AP2B1: variants seen among roughly 807,000 people sequenced by gnomAD.
AP2B1 encodes AP-2 complex subunit beta.
AP2B1 carries 23 observed loss-of-function variants against 102.0 expected under a neutral mutation model. The observed-to-expected ratio is 0.23, with a 90% confidence interval of 0.16 to 0.32. The LOEUF (loss-of-function observed/expected upper bound fraction) is 0.32. Among genes scored for constraint, AP2B1 ranks in the 10% least tolerant of loss-of-function variants. The probability of loss-of-function intolerance (pLI) is 1.00; values close to 1 mark genes in which losing one functional copy is unlikely to be tolerated. For missense variants in AP2B1, 541 were observed against 1,157.4 expected (o/e 0.47, Z 7.73); for synonymous variants, 381 against 421.2 (o/e 0.90, Z 1.17).
At chr17:35,644,528 C>T (rs1444475298) in intron 12 of AP2B1, among the ~76,000 whole-genome samples, 1 of 151,738 alleles carries the variant, frequency 6.6e-6, no homozygotes, top group Admixed American at 6.6e-5. Context: ...CAGGTGCATG[C>T]CACCACGCCC....
intron 12 of AP2B1, among the ~76,000 whole-genome samples, chr17:35,642,907 A>G (rs2074822439): frequency 6.6e-6 from 1 of 152,186 alleles, no homozygotes; most frequent in African/African-American, 2.4e-5. Context: ...CAAAGCAATT[A>G]TAAACATCAG....
At position 35,616,142 on chromosome 17, in the gene AP2B1, C is replaced by CTTTTT. The variant is rs71152739; in HGVS notation, c.525+7790_525+7794dup. Among the ~76,000 whole-genome samples, 10 of 57,436 alleles carry CTTTTT rather than the reference C, an allele frequency of 1.7e-4. 1 individual carries two copies. Among genetic ancestry groups the CTTTTT allele is most frequent in the Admixed American group, 1.5e-3 (5 of 3,294 alleles). 37.7% of individuals were successfully genotyped at this position (57,436 alleles called of 152,430 possible). Reference sequence around the variant, plus strand: ...TGAACTTAGGTTTTAAAAAATATCTCTTTTTTTTTTTTTTTTTTTTTTTTT... The same window carrying CTTTTT: ...TGAACTTAGGTTTTAAAAAATATCTCTTTTTTTTTTTTTTTTTTTTTTTTTTTTTT... On this transcript the variant is annotated intron_variant, in intron 5 of 21. Transcript: ENST00000610402.
intron 12 of AP2B1, among the ~76,000 whole-genome samples, chr17:35,649,784 C>CA (rs1402593405): frequency 4.6e-5 from 7 of 151,978 alleles, no homozygotes; most frequent in Non-Finnish European, 7.4e-5. Flanking sequence ...CTTTTTGAGA[C>CA]AGAGTCTCAC....
At chr17:35,622,783 G>C (rs1176781664) in intron 5 of AP2B1, among the ~76,000 whole-genome samples, 3 of 152,124 alleles carry the variant, frequency 2.0e-5, no homozygotes, top group Non-Finnish European at 4.4e-5. Context: ...TCCTGCCTCA[G>C]CCTCCTGAGT....
chr17:35,679,263 A>G (rs2142988665), intron 17 of AP2B1, among the ~76,000 whole-genome samples: 1 of 152,164 alleles, frequency 6.6e-6, no homozygotes, highest in South Asian at 2.1e-4. Context: ...TAGAGGGCTG[A>G]TCTTTGCCTT....
At chr17:35,618,318 A>G (rs753050849) in intron 5 of AP2B1, among the ~76,000 whole-genome samples, 16 of 152,244 alleles carry the variant, frequency 1.1e-4, no homozygotes, top group Non-Finnish European at 2.1e-4. Flanking sequence ...CTAATTTAGA[A>G]GAGAACAAAA....
chr17:35,634,001 G>C (rs1261463028), intron 9 of AP2B1, among the ~76,000 whole-genome samples: 4 of 152,128 alleles, frequency 2.6e-5, no homozygotes, highest in Non-Finnish European at 5.9e-5. Flanking sequence ...AAAAAAATTA[G>C]CCGGGCATGG....
At chr17:35,600,243 C>G (rs557307535) in intron 3 of AP2B1, among the ~76,000 whole-genome samples, 2 of 151,894 alleles carry the variant, frequency 1.3e-5, no homozygotes. Flanking sequence ...CACTACCACC[C>G]GGCTAATTTT....
intron 12 of AP2B1, among the ~76,000 whole-genome samples, chr17:35,648,743 AGTGTGTGTGTGTGTGT>A (rs10668040): frequency 6.7e-6 from 1 of 148,586 alleles, no homozygotes; most frequent in African/African-American, 2.5e-5. Flanking sequence ...ATATGAAATA[AGTGTGTGTGTGTGTGT>A]GTGTGTGTGT....
At chr17:35,672,876 C>T (rs914867061) in intron 16 of AP2B1, among the ~76,000 whole-genome samples, 1 of 152,048 alleles carries the variant, frequency 6.6e-6, no homozygotes, top group Non-Finnish European at 1.5e-5. Flanking sequence ...CATGTATAGC[C>T]ACTGTTAACT....
At chr17:35,650,942 GACACCT>G (rs2075071394) in intron 13 of AP2B1, 153 bp downstream of exon 13, 4 of 820,632 alleles carry the variant, frequency 4.9e-6, no homozygotes, top group Non-Finnish European at 7.5e-6. Flanking sequence ...TACATTTTTG[GACACCT>G]ACTACTATAC....
At chr17:35,672,670 A>G (rs578168998) in intron 16 of AP2B1, among the ~76,000 whole-genome samples, 3 of 152,350 alleles carry the variant, frequency 2.0e-5, no homozygotes, top group South Asian at 4.1e-4. Flanking sequence ...AAGATATTCA[A>G]AATTGAGCCA....
intron 9 of AP2B1, among the ~76,000 whole-genome samples, chr17:35,634,901 T>TCTTATTCTTTCCTCCTACGATGG (rs2074562260): frequency 1.3e-5 from 2 of 152,220 alleles, no homozygotes; most frequent in Non-Finnish European, 2.9e-5. Context: ...ATTCTTTAAT[T>TCTTATTCTTTCCTCCTACGATGG]CTTATTCTTT....
intron 3 of AP2B1, among the ~76,000 whole-genome samples, chr17:35,604,500 G>A (rs1190132683): frequency 1.3e-5 from 2 of 151,972 alleles, no homozygotes; most frequent in East Asian, 3.9e-4. Context: ...GCTCACATCT[G>A]TAATCCCAGA....
Position 35,639,638 on chromosome 17 carries a change from C to T in AP2B1, c.1315C>T (p.Leu439=). The change falls in exon 11 of 22, where the codon CTG becomes TTG. Residue 439 remains leucine, a synonymous_variant. Coordinates refer to ENST00000610402, the MANE Select transcript of AP2B1 (RefSeq NM_001030006.2). ...IATLCENLDS[L]DEPDARAAMI... ...CACTCTGTGTGAGAACTTAGACTCG[C>T]TGGATGAGCCAGATGCTCGAGCAGC... The T allele has an allele frequency of 1.2e-6, 2 of 1,613,964 alleles. No homozygotes were observed. Among genetic ancestry groups the T allele is most frequent in the Non-Finnish European group, 1.7e-6 (2 of 1,179,952 alleles).
chr17:35,639,580 A>AT lies in AP2B1; in HGVS notation c.1272-7dup, dbSNP rs758959325. 3.5e-5 allele frequency: 56 copies of AT among 1,595,964 alleles called. No homozygotes were observed. The highest frequency in any genetic ancestry group is 4.3e-5 in the Non-Finnish European group (51 of 1,173,206). On this transcript the variant is annotated splice_polypyrimidine_tract_variant and intron_variant, in intron 10 of 21. Transcript: ENST00000610402. ...GTTTTGCCCTCAATAACCATAGTTC[A>AT]TTTTTTTTCATCAGGTATGAAAGTA...
At chr17:35,714,993 G>A (rs1463346146) in intron 20 of AP2B1, among the ~76,000 whole-genome samples, 1 of 152,132 alleles carries the variant, frequency 6.6e-6, no homozygotes, top group Non-Finnish European at 1.5e-5. Context: ...GTCAGACCAG[G>A]AAGCCTCCTT....
chr17:35,678,612 G>T (rs1220776297), intron 17 of AP2B1, among the ~76,000 whole-genome samples: 1 of 152,154 alleles, frequency 6.6e-6, no homozygotes, highest in Non-Finnish European at 1.5e-5. Context: ...TTACTAAAAT[G>T]ATTATGTGAA....
At chr17:35,717,086 G>GT in intron 20 of AP2B1, 109 bp from the exon 21 acceptor site, 1 of 1,228,092 alleles carries the variant, frequency 8.1e-7, no homozygotes, top group Non-Finnish European at 1.2e-6. Context: ...CCATGTGACA[G>GT]TACTTGTCAG....
Sources: gnomAD v4.1 joint callset for allele counts (sites outside exome capture counted in the v4.1 genomes callset) on GRCh38, gnomAD v4.1.1 for gene constraint, MANE v1.5 for transcripts, NCBI Gene and HGNC (gene_info 2026-07-23, HGNC 2026-07-21) for gene names.